PAMR1: variants seen among roughly 807,000 people sequenced by gnomAD.
The protein encoded by PAMR1 is inactive serine protease PAMR1.
A neutral mutation model predicts 81.8 loss-of-function variants in PAMR1; 88 were observed. The ratio of observed to expected loss-of-function variants is 1.08; its 90% CI spans 0.91 to 1.28. The LOEUF (loss-of-function observed/expected upper bound fraction) is 1.28, where lower values mean the gene tolerates loss of function less well. Ranked by LOEUF, PAMR1 falls within the 50% of genes most tolerant of loss-of-function variation. The pLI, the probability that PAMR1 is intolerant of heterozygous loss-of-function variation, is 0.00. For missense variants in PAMR1, 935 were observed against 919.7 expected (o/e 1.02, Z -0.21); for synonymous variants, 336 against 345.3 (o/e 0.97, Z 0.30).
At chr11:35,459,118 C>G (rs1418977980) in intron 6 of PAMR1, among the ~76,000 whole-genome samples, 1 of 152,106 alleles carries the variant, frequency 6.6e-6, no homozygotes, top group Non-Finnish European at 1.5e-5. Flanking sequence ...GTTATTTTTT[C>G]ATCCGGCAGC....
chr11:35,500,602 C>T (rs570716166), intron 1 of PAMR1, among the ~76,000 whole-genome samples: 13 of 152,162 alleles, frequency 8.5e-5, no homozygotes, highest in African/African-American at 2.2e-4. Flanking sequence ...CCGACCTCGT[C>T]GGGTTAGGGA....
At chr11:35,529,097 A>C (rs1191739803), upstream of PAMR1, 4 of 152,184 alleles carry the variant, frequency 2.6e-5, no homozygotes, top group African/African-American at 9.7e-5. Context: ...CTCTGTCCCC[A>C]TTATGGTCAA....
chr11:35,469,571 A>G (rs1315058122), intron 5 of PAMR1, among the ~76,000 whole-genome samples: 1 of 152,188 alleles, frequency 6.6e-6, no homozygotes, highest in African/African-American at 2.4e-5. Context: ...ACAGCTCCAC[A>G]GGGGGCAGGC....
Position 35,434,568 on chromosome 11 carries a change from A to C in PAMR1, c.1570T>G (p.Leu524Val), listed in dbSNP as rs1357540236. The C allele has an allele frequency of 1.2e-6, 2 of 1,613,898 alleles. No individual in the cohort carries two copies. The highest frequency in any genetic ancestry group is 1.7e-6 in the Non-Finnish European group (2 of 1,180,026). Residue 524 changes from leucine to valine, a missense_variant, in exon 10 of 11, where the codon TTG becomes GTG. Physicochemically the swap from Leu to Val is conservative, Grantham distance 32. Transcript: ENST00000619888. ...MIKTADLKVVLGKFYRDDDRD... is the reference protein window; with the variant it reads ...MIKTADLKVVVGKFYRDDDRD... ...TCATCATCCCGGTAGAATTTCCCCA[A>C]AACAACTTTCAGGTCTGCTGTCTTG... is the stretch of plus-strand genomic sequence containing the variant.
intron 6 of PAMR1, among the ~76,000 whole-genome samples, chr11:35,463,876 C>G (rs1856709979): frequency 6.6e-6 from 1 of 152,172 alleles, no homozygotes; most frequent in African/African-American, 2.4e-5. Flanking sequence ...TATCTCCTGT[C>G]CCATGAAAGT....
chr11:35,485,775 T>TCTAA (rs2135393568), intron 3 of PAMR1, among the ~76,000 whole-genome samples: 2 of 142,274 alleles, frequency 1.4e-5, no homozygotes, highest in Admixed American at 1.4e-4. Flanking sequence ...CCTCCCTCCT[T>TCTAA]CTAAGGCTCT....
chr11:35,464,872 CA>C (rs2135372030), intron 6 of PAMR1, among the ~76,000 whole-genome samples: 1 of 152,262 alleles, frequency 6.6e-6, no homozygotes, highest in South Asian at 2.1e-4. Context: ...CATACACGTA[CA>C]TTAGGAAAAT....
intron 6 of PAMR1, among the ~76,000 whole-genome samples, chr11:35,446,895 A>G (rs1329547447): frequency 6.6e-6 from 1 of 152,032 alleles, no homozygotes; most frequent in Middle Eastern, 3.2e-3. Flanking sequence ...ATCTTTGTTA[A>G]TTTTCTGTCT....
chr11:35,483,129 G>A (rs1230121452), intron 3 of PAMR1, among the ~76,000 whole-genome samples: 2 of 152,310 alleles, frequency 1.3e-5, no homozygotes, highest in Middle Eastern at 3.4e-3. Flanking sequence ...TGGGAGAACT[G>A]ATCAGGGATG....
At chr11:35,522,452 T>C (rs944157356) in intron 1 of PAMR1, among the ~76,000 whole-genome samples, 2 of 152,198 alleles carry the variant, frequency 1.3e-5, no homozygotes, top group South Asian at 4.1e-4. Context: ...TCACAGAACA[T>C]TTGTCTTTTT....
At position 35,434,822 on chromosome 11, in the gene PAMR1, G is replaced by T; in HGVS notation, c.1334-18C>A. The T allele has an allele frequency of 3.7e-6, 6 of 1,606,016 alleles. No individual in the cohort carries two copies. The highest frequency in any genetic ancestry group is 5.1e-6 in the Non-Finnish European group (6 of 1,173,698). ...CCCGCAGACTATGGAGAAAGTACCA[G>T]CTTAGTAAGATAAACTCAGACTTTG... is the stretch of plus-strand genomic sequence containing the variant. On this transcript the variant is annotated intron_variant, in intron 9 of 10. Transcript: ENST00000619888.
intron 6 of PAMR1, among the ~76,000 whole-genome samples, chr11:35,459,961 T>C (rs902406679): frequency 6.6e-6 from 1 of 152,228 alleles, no homozygotes; most frequent in African/African-American, 2.4e-5. Flanking sequence ...CATGGGAACA[T>C]TGAGACAAAT....
intron 1 of PAMR1, among the ~76,000 whole-genome samples, chr11:35,498,515 GA>G (rs79343503): frequency 6.6e-6 from 1 of 151,874 alleles, no homozygotes; most frequent in African/African-American, 2.4e-5. Context: ...AGCTTAGAAA[GA>G]AAAAAAGAAA....
At position 35,494,169 on chromosome 11, in the gene PAMR1, C is replaced by T. The variant is rs1850678488; in HGVS notation, c.177G>A (p.Arg59=). 6.2e-7 allele frequency: 1 copy of T among 1,614,014 alleles called. No homozygotes were observed. The highest frequency in any genetic ancestry group is 1.1e-5 in the South Asian group (1 of 91,086). Residue 59 remains arginine (R), a synonymous_variant, in exon 2 of 11, where the codon AGG becomes AGA. Transcript: ENST00000619888. ...AAGGGATGGTATAACCCACGACTTC[C>T]CTCTTTCCGGGGCAGACGCACTCAA... ...DQIECVCPGK[R]EVVGYTIPCC...
At chr11:35,498,829 G>C (rs1850776020) in intron 1 of PAMR1, among the ~76,000 whole-genome samples, 1 of 152,180 alleles carries the variant, frequency 6.6e-6, no homozygotes, top group African/African-American at 2.4e-5. Context: ...CCTGTTCAGA[G>C]AGGTCCTCCC....
intron 3 of PAMR1, among the ~76,000 whole-genome samples, chr11:35,477,098 C>T (rs1022602264): frequency 6.6e-6 from 1 of 152,178 alleles, no homozygotes; most frequent in Admixed American, 6.5e-5. Context: ...TGCTATCCAG[C>T]TAAAACAGGC....
rs979867291 is a variant in PAMR1 at position 35,432,592 on chromosome 11, C to T, written c.1927G>A (p.Val643Ile). ...QHEDHGIPVSVTDNMFCASWE... is the reference protein window; with the variant it reads ...QHEDHGIPVSITDNMFCASWE... ...CTGGCACAGAACATGTTATCAGTGA[C>T]ACTCACTGGGATGCCATGGTCCTCA... Residue 643 changes from valine to isoleucine, a missense_variant, in exon 11 of 11, where the codon GTC becomes ATC. Physicochemically the swap from Val to Ile is conservative, Grantham distance 29 (BLOSUM62 3). Transcript: ENST00000619888. The T allele has an allele frequency of 2.5e-6, 4 of 1,614,016 alleles. No homozygotes were observed. Among genetic ancestry groups the T allele is most frequent in the Non-Finnish European group, 3.4e-6 (4 of 1,179,994 alleles).
chr11:35,514,759 G>T (rs1851132821), intron 1 of PAMR1, among the ~76,000 whole-genome samples: 1 of 152,236 alleles, frequency 6.6e-6, no homozygotes, highest in East Asian at 1.9e-4. Context: ...GGCCGTGGTG[G>T]GGAATGGCTT....
intron 1 of PAMR1, among the ~76,000 whole-genome samples, chr11:35,500,483 C>T (rs1850812665): frequency 6.6e-6 from 1 of 152,174 alleles, no homozygotes; most frequent in Admixed American, 6.5e-5. Flanking sequence ...ATAGAGAAGA[C>T]ATTGGTCAAA....
Sources: allele counts gnomAD v4.1 joint callset (sites outside exome capture counted in the v4.1 genomes callset), GRCh38; gene constraint gnomAD v4.1.1; transcripts MANE v1.5; gene names NCBI Gene and HGNC (gene_info 2026-07-23, HGNC 2026-07-21).